Variants in ERCC6L2 observed in about 807,000 individuals in gnomAD.
ERCC6L2 encodes the protein DNA excision repair protein ERCC-6-like 2.
A neutral mutation model predicts 132.0 loss-of-function variants in ERCC6L2; 77 were observed. The ratio of observed to expected loss-of-function variants is 0.58; its 90% CI spans 0.49 to 0.71. The LOEUF is 0.71. Ranked by LOEUF, ERCC6L2 falls within the 30% of genes least tolerant of loss-of-function variation. The probability of loss-of-function intolerance (pLI) is 0.00; values close to 1 mark genes in which losing one functional copy is unlikely to be tolerated. For missense variants in ERCC6L2, 1,542 were observed against 1,837.6 expected, an observed-to-expected ratio of 0.84 and a Z score of 2.94; for synonymous variants, 583 against 632.4, an observed-to-expected ratio of 0.92 and a Z score of 1.17.
intron 4 of ERCC6L2, among the ~76,000 whole-genome samples, chr9:95,908,660 C>T (rs1276357330): frequency 2.0e-5 from 3 of 152,042 alleles, no homozygotes; most frequent in African/African-American, 7.2e-5. Context: ...CATTAGTTTC[C>T]ATCTGCTTGT....
chr9:95,883,708 A>C (rs901194012), intron 2 of ERCC6L2, among the ~76,000 whole-genome samples: 2 of 152,208 alleles, frequency 1.3e-5, no homozygotes, highest in African/African-American at 4.8e-5. Context: ...AAATACAAAA[A>C]TTAGCTGGGC....
intron 2 of ERCC6L2, among the ~76,000 whole-genome samples, chr9:95,887,901 A>G (rs1413342662): frequency 6.6e-6 from 1 of 152,162 alleles, no homozygotes; most frequent in Non-Finnish European, 1.5e-5. Context: ...TCCAGTGTGG[A>G]AGGTTAATTA....
intron 1 of ERCC6L2, chr9:95,876,840 G>A (rs1827297538): frequency 6.6e-6 from 1 of 152,210 alleles, no homozygotes; most frequent in Admixed American, 6.5e-5. Flanking sequence ...GAATTCTGAG[G>A]TCTAGGAATT....
chr9:95,888,950 C>G (rs986427661), intron 2 of ERCC6L2, among the ~76,000 whole-genome samples: 8 of 151,952 alleles, frequency 5.3e-5, no homozygotes, highest in Admixed American at 2.6e-4. Flanking sequence ...GCTAGCTTCT[C>G]CAGTTTGTAT....
At chr9:95,925,186 C>T (rs1830048828) in intron 9 of ERCC6L2, among the ~76,000 whole-genome samples, 1 of 152,206 alleles carries the variant, frequency 6.6e-6, no homozygotes, top group Non-Finnish European at 1.5e-5. Flanking sequence ...CTTATGACCC[C>T]ACCTCTTTCT....
At chr9:96,011,175 CCAA>C (rs1192744441) in intron 18 of ERCC6L2, among the ~76,000 whole-genome samples, 4 of 152,160 alleles carry the variant, frequency 2.6e-5, no homozygotes, top group African/African-American at 9.7e-5. Context: ...GGCTGGATGG[CCAA>C]CAACAAGAAG....
chr9:95,890,608 CA>C (rs1828107044), intron 2 of ERCC6L2, among the ~76,000 whole-genome samples: 1 of 152,136 alleles, frequency 6.6e-6, no homozygotes, highest in Non-Finnish European at 1.5e-5. Context: ...TTATTATATA[CA>C]AGATCATATG....
chr9:95,923,161 A>G, intron 8 of ERCC6L2, 99 bp from the exon 9 acceptor site: 1 of 1,419,748 alleles, frequency 7.0e-7, no homozygotes, highest in Non-Finnish European at 9.4e-7. Flanking sequence ...AAAGTAATAC[A>G]TTCTTTCTAA....
chr9:95,998,746 C>T (rs1001509221), intron 17 of ERCC6L2, among the ~76,000 whole-genome samples: 8 of 152,220 alleles, frequency 5.3e-5, no homozygotes, highest in African/African-American at 1.9e-4. Context: ...CCATGTCAAG[C>T]TTCTGACCTA....
At chr9:95,955,365 T>C (rs1831548631) in intron 12 of ERCC6L2, among the ~76,000 whole-genome samples, 1 of 152,166 alleles carries the variant, frequency 6.6e-6, no homozygotes, top group Non-Finnish European at 1.5e-5. Flanking sequence ...CAATAAACTG[T>C]ACATACTTCA....
At chr9:95,899,600 A>G (rs559973010) in intron 3 of ERCC6L2, among the ~76,000 whole-genome samples, 2,084 of 134,854 alleles carry the variant, frequency 0.015, 38 homozygotes, top group African/African-American at 0.047. Flanking sequence ...TTATATATAT[A>G]TGTGTGTGTG....
At chr9:95,894,300 C>T (rs1407136960) in intron 2 of ERCC6L2, among the ~76,000 whole-genome samples, 1 of 152,142 alleles carries the variant, frequency 6.6e-6, no homozygotes, top group Non-Finnish European at 1.5e-5. Flanking sequence ...GTTGAGCTAT[C>T]ATAAGTTGGG....
At chr9:95,958,308 A>G (rs1244517811) in intron 13 of ERCC6L2, among the ~76,000 whole-genome samples, 2 of 151,922 alleles carry the variant, frequency 1.3e-5, no homozygotes, top group Admixed American at 6.6e-5. Context: ...AGTCTTTGCT[A>G]TTGTGAATAG....
chr9:95,954,390 A>G (rs1831495529), intron 12 of ERCC6L2, among the ~76,000 whole-genome samples: 1 of 152,196 alleles, frequency 6.6e-6, no homozygotes, highest in South Asian at 2.1e-4. Flanking sequence ...AAGTTAGTTC[A>G]CAATAAAACT....
At chr9:96,032,703 G>C (rs952616976) in intron 19 of ERCC6L2, among the ~76,000 whole-genome samples, 1 of 152,226 alleles carries the variant, frequency 6.6e-6, no homozygotes, top group Non-Finnish European at 1.5e-5. Flanking sequence ...GGAGCTGGCA[G>C]AGCTGGAGAG....
chr9:96,029,159 C>T (rs536380981), intron 19 of ERCC6L2, among the ~76,000 whole-genome samples: 5 of 151,970 alleles, frequency 3.3e-5, no homozygotes, highest in African/African-American at 1.2e-4. Flanking sequence ...AAAAAATTAG[C>T]CGGGCGTGGT....
At chr9:95,883,371 A>G (rs576160579) in intron 2 of ERCC6L2, among the ~76,000 whole-genome samples, 64 of 152,348 alleles carry the variant, frequency 4.2e-4, no homozygotes, top group African/African-American at 1.5e-3. Context: ...TATGGTGAGC[A>G]GCAGGTCTTA....
chr9:95,888,804 G>A (rs1014185988), intron 2 of ERCC6L2, among the ~76,000 whole-genome samples: 1 of 152,152 alleles, frequency 6.6e-6, no homozygotes, highest in Non-Finnish European at 1.5e-5. Flanking sequence ...AAATCCACCT[G>A]TGCTGTTCTT....
intron 12 of ERCC6L2, among the ~76,000 whole-genome samples, chr9:95,948,810 A>T (rs1241323689): frequency 6.7e-6 from 1 of 148,940 alleles, no homozygotes; most frequent in Non-Finnish European, 1.5e-5. Flanking sequence ...AAAAAAAAAG[A>T]AAAGAAAAGA....
Sources: allele counts gnomAD v4.1 joint callset (sites outside exome capture counted in the v4.1 genomes callset), GRCh38; gene constraint gnomAD v4.1.1; transcripts MANE v1.5; gene names NCBI Gene and HGNC (gene_info 2026-07-23, HGNC 2026-07-21).